The following NUB1 variants were observed in gnomAD, a reference collection of about 807,000 sequenced individuals.
NUB1 encodes NEDD8 ultimate buster 1.
In NUB1, 41 loss-of-function variants were observed where a neutral mutation model predicts 77.1. That is an observed-to-expected ratio of 0.53 (90% CI 0.41 to 0.69). The LOEUF (loss-of-function observed/expected upper bound fraction) is 0.69. Among genes scored for constraint, NUB1 ranks in the 30% least tolerant of loss-of-function variants. The pLI, the probability that NUB1 is intolerant of heterozygous loss-of-function variation, is 0.00. For missense variants in NUB1, 643 were observed against 743.8 expected, an observed-to-expected ratio of 0.86 and a Z score of 1.58; for synonymous variants, 257 against 281.0, an observed-to-expected ratio of 0.91 and a Z score of 0.85.
chr7:151,363,411 A>G (rs1389793428), intron 8 of NUB1, among the ~76,000 whole-genome samples: 1 of 151,884 alleles, frequency 6.6e-6, no homozygotes, highest in African/African-American at 2.4e-5. Flanking sequence ...GTTAAATGTT[A>G]CATAAGGCAA....
chr7:151,372,918 G>A (rs867395813), intron 11 of NUB1, among the ~76,000 whole-genome samples: 1 of 152,158 alleles, frequency 6.6e-6, no homozygotes, highest in Non-Finnish European at 1.5e-5. Flanking sequence ...ACACCAGGAG[G>A]TTCTCCTGTG....
At chr7:151,354,322 CTT>C (rs758140717) in intron 5 of NUB1, among the ~76,000 whole-genome samples, 3 of 127,078 alleles carry the variant, frequency 2.4e-5, no homozygotes, top group Non-Finnish European at 3.4e-5. Context: ...CCCACCCTTG[CTT>C]TTTTTTTTTT....
intron 2 of NUB1, among the ~76,000 whole-genome samples, chr7:151,346,408 G>A (rs1325587574): frequency 6.6e-6 from 1 of 152,228 alleles, no homozygotes; most frequent in Non-Finnish European, 1.5e-5. Flanking sequence ...CATGATAGGA[G>A]CAACCTTTGT....
chr7:151,355,940 G>C lies in NUB1; in HGVS notation c.588G>C (p.Leu196=). The change falls in exon 6 of 15, where the codon CTG becomes CTC. Residue 196 remains leucine, a synonymous_variant. Transcript: ENST00000568733. ...IQRTKRGLEI[L]AKRAAETVVD... Reference sequence around the variant, plus strand: ...GGACCAAGAGAGGACTAGAAATACTGGCAAAGAGAGGTACCCAGAGCTCTG... The same window carrying C: ...GGACCAAGAGAGGACTAGAAATACTCGCAAAGAGAGGTACCCAGAGCTCTG... 1 of 1,613,776 alleles carries C rather than the reference G, an allele frequency of 6.2e-7. No individual in the cohort carries two copies. Among genetic ancestry groups the C allele is most frequent in the Non-Finnish European group, 8.5e-7 (1 of 1,179,822 alleles).
chr7:151,371,597 G>C (rs558017380), intron 11 of NUB1, among the ~76,000 whole-genome samples: 1 of 152,260 alleles, frequency 6.6e-6, no homozygotes, highest in East Asian at 1.9e-4. Context: ...CCTCAGGGAG[G>C]GGTAGAATGG....
Position 151,377,961 on chromosome 7 carries a change from T to C in NUB1, c.*736T>C, listed in dbSNP as rs1233052753. ...TTTAAATGCTAACCAAAGCAATTTA[T>C]TTTTAATTAATATTTTTAGACTCTG... On this transcript the variant is annotated 3_prime_UTR_variant, in exon 15 of 15. Transcript: ENST00000568733. 2.0e-5 allele frequency: 3 copies of C among 152,242 alleles called. No homozygotes were observed. Among genetic ancestry groups the C allele is most frequent in the African/African-American group, 7.2e-5 (3 of 41,464 alleles). 9.4% of individuals were successfully genotyped at this position (152,242 alleles called of 1,614,324 possible).
intron 2 of NUB1, among the ~76,000 whole-genome samples, chr7:151,346,270 C>A (rs1464024656): frequency 2.0e-5 from 3 of 152,162 alleles, no homozygotes; most frequent in Admixed American, 1.3e-4. Context: ...CACCTTCTGA[C>A]CTTGCTTCTG....
intron 6 of NUB1, 60 bp downstream of exon 6, chr7:151,356,010 C>T (rs1350880117): frequency 1.3e-6 from 2 of 1,580,134 alleles, no homozygotes; most frequent in Non-Finnish European, 1.7e-6. Context: ...CTGGATCACA[C>T]AGTTGGGGGA....
intron 7 of NUB1, among the ~76,000 whole-genome samples, chr7:151,359,348 C>A (rs1418717595): frequency 6.7e-6 from 1 of 149,316 alleles, no homozygotes; most frequent in African/African-American, 2.5e-5. Flanking sequence ...GAGGCTGAGG[C>A]AGGAGAATGG....
chr7:151,376,585 C>A (rs1450886579), intron 13 of NUB1, 49 bp from the exon 14 acceptor site: 2 of 1,523,828 alleles, frequency 1.3e-6, no homozygotes, highest in Non-Finnish European at 8.9e-7. Context: ...ACGGGGGTGG[C>A]AGAAGAGGCG....
At chr7:151,344,857 G>A (rs1402636190) in intron 1 of NUB1, among the ~76,000 whole-genome samples, 19 of 152,040 alleles carry the variant, frequency 1.2e-4, no homozygotes, top group South Asian at 4.1e-4. Context: ...AAAATTAGCC[G>A]GGCGTGGTGG....
intron 4 of NUB1, among the ~76,000 whole-genome samples, chr7:151,351,916 A>ATCACACACACACACAC (rs60437024): frequency 2.6e-5 from 4 of 151,014 alleles, no homozygotes; most frequent in East Asian, 1.9e-4. Context: ...CCATCTGTAA[A>ATCACACACACACACAC]ACACACACAC....
chr7:151,352,222 A>G (rs1051543681), intron 4 of NUB1: 6 of 455,214 alleles, frequency 1.3e-5, no homozygotes, highest in African/African-American at 4.0e-5. Flanking sequence ...CGGATGTGCA[A>G]CTAGGGCTTC....
At chr7:151,370,323 A>G in intron 11 of NUB1, among the ~76,000 whole-genome samples, 1 of 152,110 alleles carries the variant, frequency 6.6e-6, no homozygotes, top group Non-Finnish European at 1.5e-5. Context: ...TCCTGACCTC[A>G]AGTGATCCTC....
Position 151,355,795 on chromosome 7 carries a change from C to T in NUB1, c.443C>T (p.Ala148Val). 1 of 1,604,308 alleles carries T rather than the reference C, an allele frequency of 6.2e-7. No individual in the cohort carries two copies. The highest frequency in any genetic ancestry group is 8.5e-7 in the Non-Finnish European group (1 of 1,175,180). The change falls in exon 6 of 15, where the codon GCT (alanine) becomes GTT (valine). Residue 148 changes from alanine to valine, a missense_variant. Coordinates refer to ENST00000568733, the MANE Select transcript of NUB1 (RefSeq NM_001243351.2). ...LGKTLEEQGV[A>V]HNVKAMVLEL... ...AAAACCCTTGAAGAACAAGGCGTGG[C>T]TCACAATGTGAAAGCGATGGTGCTT...
chr7:151,356,681 C>T (rs1797079025), intron 7 of NUB1, among the ~76,000 whole-genome samples: 2 of 151,638 alleles, frequency 1.3e-5, no homozygotes, highest in African/African-American at 2.4e-5. Context: ...GATAGGTAGG[C>T]GGAGGTTTAA....
At chr7:151,360,114 G>GT (rs760193471) in intron 7 of NUB1, 27 bp from the exon 8 acceptor site, 96 of 1,145,826 alleles carry the variant, frequency 8.4e-5, no homozygotes, top group Middle Eastern at 2.0e-4. Flanking sequence ...TTAAAGTGAT[G>GT]TTTTTTAAAT....
Position 151,345,439 on chromosome 7 carries a change from A to G in NUB1, c.90A>G (p.Glu30=). The G allele has an allele frequency of 6.2e-7, 1 of 1,603,464 alleles. No homozygotes were observed. The highest frequency in any genetic ancestry group is 2.2e-5 in the East Asian group (1 of 44,626). Residue 30 remains glutamate (E), a synonymous_variant, in exon 2 of 15, where the codon GAA becomes GAG. Transcript: ENST00000568733. ...TTTGGAAACCTCCATATACAGATGAAAATAAAAAAGTTGGTTTGGCATTAA... is the reference window on the plus strand; with the variant it reads ...TTTGGAAACCTCCATATACAGATGAGAATAAAAAAGTTGGTTTGGCATTAA... ...IQLWKPPYTD[E]NKKVGLALKD...
At chr7:151,342,308 C>G (rs1796252674) in intron 1 of NUB1, among the ~76,000 whole-genome samples, 1 of 152,116 alleles carries the variant, frequency 6.6e-6, no homozygotes, top group South Asian at 2.1e-4. Flanking sequence ...CACCTCCTTC[C>G]CTTTTATTTT....
Sources: allele counts gnomAD v4.1 joint callset (sites outside exome capture counted in the v4.1 genomes callset), GRCh38; gene constraint gnomAD v4.1.1; transcripts MANE v1.5; gene names NCBI Gene and HGNC (gene_info 2026-07-23, HGNC 2026-07-21).